The following DDX59 variants were observed in gnomAD, a reference collection of about 807,000 sequenced individuals.
The protein encoded by DDX59 is probable ATP-dependent RNA helicase DDX59.
Under a neutral mutation model 51.9 loss-of-function variants are expected in DDX59, and 30 were observed. That is an observed-to-expected ratio of 0.58 (90% CI 0.43 to 0.78). DDX59 has a LOEUF of 0.78. Ranked by LOEUF, DDX59 falls within the 30% of genes least tolerant of loss-of-function variation. The pLI, the probability that DDX59 is intolerant of heterozygous loss-of-function variation, is 0.00. For synonymous variants in DDX59, 255 were observed against 253.3 expected, an observed-to-expected ratio of 1.01 and a Z score of -0.06; for missense variants, 672 against 730.8, an observed-to-expected ratio of 0.92 and a Z score of 0.93.
chr1:200,644,443 G>A lies in DDX59; in HGVS notation c.1671C>T (p.Phe557=). ...GCTTTACTCGTTTTGCAATATCCCAGAAGAGTCTTTTTGAATTATTATTGA... is the reference window on the plus strand; with the variant it reads ...GCTTTACTCGTTTTGCAATATCCCAAAAGAGTCTTTTTGAATTATTATTGA... The part of the protein sequence containing the change: ...TFINNNSKRL[F]WDIAKRVKPT... The change falls in exon 8 of 8, where the codon TTC becomes TTT. Residue 557 remains phenylalanine, a synonymous_variant. Transcript: ENST00000331314. 6.2e-7 allele frequency: 1 copy of A among 1,612,894 alleles called. No homozygotes were observed. Among genetic ancestry groups the A allele is most frequent in the Non-Finnish European group, 8.5e-7 (1 of 1,179,576 alleles).
chr1:200,655,540 T>C (rs536366364), intron 4 of DDX59, among the ~76,000 whole-genome samples: 70 of 152,284 alleles, frequency 4.6e-4, no homozygotes, highest in African/African-American at 1.5e-3. Context: ...GGCCCCACCC[T>C]AACAACCCAA....
Position 200,650,499 on chromosome 1 carries a change from A to T in DDX59, c.1240T>A (p.Cys414Ser), listed in dbSNP as rs757327015. The T allele has an allele frequency of 2.1e-5, 34 of 1,613,910 alleles. No individual in the cohort carries two copies. The highest frequency in any genetic ancestry group is 2.8e-5 in the Non-Finnish European group (33 of 1,179,970). Residue 414 changes from cysteine (C) to serine (S), a missense_variant, in exon 5 of 8, where the codon TGT (cysteine) becomes AGT (serine). By Grantham distance (112) the Cys-to-Ser change is moderately radical (BLOSUM62 -1). Transcript: ENST00000331314. ...RIITGEKNLPCANVRQIILWV... is the reference protein window; with the variant it reads ...RIITGEKNLPSANVRQIILWV... ...AAAATAATCTGACGTACATTGGCAC[A>T]AGGTAGGTTCTTTTCTCCAGTGATA...
chr1:200,646,985 T>C (rs1386709585), intron 7 of DDX59, among the ~76,000 whole-genome samples: 2 of 152,172 alleles, frequency 1.3e-5, no homozygotes, highest in African/African-American at 2.4e-5. Flanking sequence ...AGTAAAACAA[T>C]CAACCCCCGT....
chr1:200,666,703 G>A lies in DDX59; in HGVS notation c.38C>T (p.Ala13Val). The stretch of plus-strand genomic sequence containing the variant: ...CACACAACTTTTGCCATCATCATTA[G>A]CATTCCTCTTGATTTTTAGAGATCT... ...VPRSLKIKRN[A>V]NDDGKSCVAK... is the part of the protein sequence containing the mutation. The change falls in exon 2 of 8, where the codon GCT becomes GTT. Residue 13 changes from alanine to valine, a missense_variant. Ala to Val is a moderately conservative substitution (Grantham distance 64). Transcript: ENST00000331314. The A allele has an allele frequency of 6.2e-7, 1 of 1,612,814 alleles. No individual in the cohort carries two copies. The highest frequency in any genetic ancestry group is 1.1e-5 in the South Asian group (1 of 90,998).
intron 4 of DDX59, among the ~76,000 whole-genome samples, chr1:200,657,131 T>A (rs1662075882): frequency 1.3e-5 from 2 of 150,328 alleles, no homozygotes; most frequent in South Asian, 4.2e-4. Flanking sequence ...ATGCCTGTAA[T>A]CCCAGCTACT....
At position 200,649,959 on chromosome 1, in the gene DDX59, C is replaced by T. The variant is rs1003681803; in HGVS notation, c.1314+466G>A. 2.0e-5 allele frequency among the ~76,000 whole-genome samples: 3 copies of T among 151,916 alleles called. No homozygotes were observed. The East Asian group carries it at 5.9e-4, about 30-fold the overall frequency. On this transcript the variant is annotated intron_variant, in intron 5 of 7. Transcript: ENST00000331314. ...CCAGATTCACACCATTCTCCTGCCT[C>T]AGCCTCCCGAGTGGCTGGGACTACA...
In DDX59 at chr1:200,644,485, T is replaced by C; in HGVS notation, c.1629A>G (p.Gly543=). The C allele has an allele frequency of 1.3e-6, 2 of 1,597,084 alleles. No homozygotes were observed. Among genetic ancestry groups the C allele is most frequent in the Non-Finnish European group, 1.7e-6 (2 of 1,171,762 alleles). ...IGRVGRLGQN[G]TAITFINNNS... ...TATTATTGATGAAAGTAATCGCTGT[T>C]CCATTTTGACCTAATCTTCCTACTC... Residue 543 remains glycine (G), a synonymous_variant, in exon 8 of 8, where the codon GGA becomes GGG. Transcript: ENST00000331314.
At chr1:200,651,613 G>C (rs190731537) in intron 4 of DDX59, among the ~76,000 whole-genome samples, 2 of 152,336 alleles carry the variant, frequency 1.3e-5, no homozygotes, top group Admixed American at 1.3e-4. Flanking sequence ...TTTTGTTATA[G>C]CACCAGGAGT....
At chr1:200,661,315 A>G (rs1331812434) in intron 3 of DDX59, among the ~76,000 whole-genome samples, 1 of 152,224 alleles carries the variant, frequency 6.6e-6, no homozygotes, top group Non-Finnish European at 1.5e-5. Flanking sequence ...ATAAATTCAA[A>G]GTGTGGTGAA....
At chr1:200,643,689 T>C (rs1297897215), downstream of DDX59, among the ~76,000 whole-genome samples, 1 of 152,062 alleles carries the variant, frequency 6.6e-6, no homozygotes, top group Non-Finnish European at 1.5e-5. Flanking sequence ...ATTAATTGAA[T>C]TAGCAGGGCA....
intron 3 of DDX59, 22 bp downstream of exon 3, chr1:200,663,897 A>G: frequency 6.5e-7 from 1 of 1,538,894 alleles, no homozygotes; most frequent in Non-Finnish European, 8.7e-7. Context: ...TTTCAAAGAC[A>G]TTGTATCAAA....
chr1:200,652,964 C>T (rs1008031635), intron 4 of DDX59, among the ~76,000 whole-genome samples: 6 of 152,262 alleles, frequency 3.9e-5, no homozygotes, highest in South Asian at 2.1e-4. Flanking sequence ...GGATTACAGG[C>T]GTGGGCCCCT....
chr1:200,646,496 T>C (rs796309754), intron 7 of DDX59, among the ~76,000 whole-genome samples: 1 of 152,214 alleles, frequency 6.6e-6, no homozygotes, highest in East Asian at 1.9e-4. Flanking sequence ...AAATGATCAA[T>C]AAGTACATGA....
At chr1:200,642,392 A>G (rs1371101365), downstream of DDX59, among the ~76,000 whole-genome samples, 1 of 152,192 alleles carries the variant, frequency 6.6e-6, no homozygotes, top group African/African-American at 2.4e-5. Flanking sequence ...TTAGTACTAC[A>G]TGTTTTTTCT....
chr1:200,665,828 C>A, intron 2 of DDX59, 109 bp downstream of exon 2: 1 of 1,237,410 alleles, frequency 8.1e-7, no homozygotes, highest in South Asian at 1.7e-5. Context: ...ACTAAAATTC[C>A]AAATATTTAG....
intron 1 of DDX59, among the ~76,000 whole-genome samples, chr1:200,667,466 C>T (rs1269350513): frequency 6.6e-6 from 1 of 152,172 alleles, no homozygotes; most frequent in Non-Finnish European, 1.5e-5. Flanking sequence ...CTTCCATTCG[C>T]CAGCTTCCAC....
intron 1 of DDX59, 84 bp from the exon 2 acceptor site, chr1:200,666,835 C>T (rs1464088767): frequency 3.8e-5 from 52 of 1,380,962 alleles, no homozygotes; most frequent in Admixed American, 1.1e-4. Context: ...GGACAAGGTG[C>T]GGTGGCTCAC....
chr1:200,665,977 G>A lies in DDX59; in HGVS notation c.764C>T (p.Ala255Val), dbSNP rs757692026. 2.5e-6 allele frequency: 4 copies of A among 1,612,068 alleles called. No individual in the cohort carries two copies. The highest frequency in any genetic ancestry group is 3.4e-6 in the Non-Finnish European group (4 of 1,179,340). The stretch of plus-strand genomic sequence containing the variant: ...CATGATAACAGGAAGAAGAAAAGCA[G>A]CTGTTTTTCCTGAGCCAGTATCTGC... ...ASADTGSGKT[A>V]AFLLPVIMRA... Residue 255 changes from alanine to valine, a missense_variant, in exon 2 of 8, where the codon GCT (alanine) becomes GTT (valine). Ala to Val is a moderately conservative substitution (Grantham distance 64). Coordinates refer to ENST00000331314, the MANE Select transcript of DDX59 (RefSeq NM_001031725.6).
At chr1:200,641,255 A>G, downstream of DDX59, 1 of 1,300,840 alleles carries the variant, frequency 7.7e-7, no homozygotes, top group South Asian at 1.2e-5. Flanking sequence ...AATAATATTC[A>G]GCTGCCAGAA....
Sources: allele counts gnomAD v4.1 joint callset (sites outside exome capture counted in the v4.1 genomes callset), GRCh38; gene constraint gnomAD v4.1.1; transcripts MANE v1.5; gene names NCBI Gene and HGNC (gene_info 2026-07-23, HGNC 2026-07-21).